USP3: variants seen among roughly 807,000 people sequenced by gnomAD.
USP3 encodes the protein ubiquitin specific peptidase 3.
In USP3, 20 loss-of-function variants were observed where a neutral mutation model predicts 72.3. That is an observed-to-expected ratio of 0.28 (90% CI 0.19 to 0.40). The LOEUF is 0.40. Among genes scored for constraint, USP3 ranks in the 10% least tolerant of loss-of-function variants. The pLI, the probability that USP3 is intolerant of heterozygous loss-of-function variation, is 1.00. For missense variants in USP3, 479 were observed against 633.9 expected, an observed-to-expected ratio of 0.76 and a Z score of 2.62; for synonymous variants, 222 against 225.3, an observed-to-expected ratio of 0.99 and a Z score of 0.13.
At chr15:63,584,501 C>G (rs570103353) in intron 11 of USP3, among the ~76,000 whole-genome samples, 1 of 152,280 alleles carries the variant, frequency 6.6e-6, no homozygotes, top group East Asian at 1.9e-4. Flanking sequence ...GAAGTAGTAT[C>G]TCACTATGGT....
intron 3 of USP3, among the ~76,000 whole-genome samples, chr15:63,540,845 T>G (rs1329347421): frequency 1.3e-5 from 2 of 152,152 alleles, no homozygotes; most frequent in Non-Finnish European, 2.9e-5. Context: ...TCGATGAAAA[T>G]AAAAATCTTC....
At chr15:63,515,347 G>A (rs556413587) in intron 1 of USP3, 2 of 152,306 alleles carry the variant, frequency 1.3e-5, no homozygotes, top group Admixed American at 6.5e-5. Context: ...GTTTCTATAT[G>A]TTGTTTCCAT....
At position 63,515,779 on chromosome 15, in the gene USP3, C is replaced by G. The variant is rs970858839; in HGVS notation, c.91+10949C>G. 1.3e-5 allele frequency among the ~76,000 whole-genome samples: 2 copies of G among 152,172 alleles called. 1 individual carries two copies. The highest frequency in any genetic ancestry group is 4.8e-5 in the African/African-American group (2 of 41,452). Reference sequence around the variant, plus strand: ...TTCATGTTTTCAGAACAGTAATACACATTTCTGAAATATACAGAGACAGGT... The same window carrying G: ...TTCATGTTTTCAGAACAGTAATACAGATTTCTGAAATATACAGAGACAGGT... On this transcript the variant is annotated intron_variant, in intron 1 of 14. Transcript: ENST00000380324.
In USP3 at chr15:63,570,377, G is replaced by A. The variant is rs2066759554; in HGVS notation, c.762-56G>A. The A allele has an allele frequency of 6.2e-7, 1 of 1,609,554 alleles. No individual in the cohort carries two copies. The highest frequency in any genetic ancestry group is 2.2e-5 in the East Asian group (1 of 44,806). ...CACGCCTTGGCCTCTTGCTGGTGTG[G>A]CTGGGCACAAAGAGCCCTCCACCCG... is the stretch of plus-strand genomic sequence containing the variant. On this transcript the variant is annotated intron_variant, in intron 8 of 14. Coordinates refer to ENST00000380324, the MANE Select transcript of USP3 (RefSeq NM_006537.4). This position sits in a 1 kb window ranked among gnomAD's most constrained non-coding sequence, Gnocchi z 4.4.
At chr15:63,566,078 T>C (rs982105919) in intron 8 of USP3, among the ~76,000 whole-genome samples, 6 of 152,222 alleles carry the variant, frequency 3.9e-5, no homozygotes, top group Admixed American at 1.3e-4. Flanking sequence ...GGAAAGTCTC[T>C]TGATGATTCA....
rs1446489525 is a variant in USP3 at position 63,544,497 on chromosome 15, AG to A, written c.284+7346del. ...CTAGTGTTTTGTCTTTTAGAATTAG[AG>A]GGGGCAAGTAGTGCAGGGCAAAAAC... is the stretch of plus-strand genomic sequence containing the variant. On this transcript the variant is annotated intron_variant, in intron 3 of 14. Coordinates refer to ENST00000380324, the MANE Select transcript of USP3 (RefSeq NM_006537.4). This position sits in a 1 kb window ranked among gnomAD's most constrained non-coding sequence, Gnocchi z 4.2. The A allele has an allele frequency of 3.7e-6, 2 of 544,060 alleles. No homozygotes were observed. Among genetic ancestry groups the A allele is most frequent in the African/African-American group, 3.8e-5 (2 of 52,348 alleles). The allele number at this position is 544,060 out of a possible 1,614,324, so 33.7% of individuals were successfully genotyped here.
At chr15:63,511,934 A>AAAACTAGT (rs1259123816) in intron 1 of USP3, among the ~76,000 whole-genome samples, 1 of 151,446 alleles carries the variant, frequency 6.6e-6, no homozygotes, top group African/African-American at 2.4e-5. Flanking sequence ...CATAAAAACT[A>AAAACTAGT]AAACTAGTAA....
chr15:63,578,686 GA>G (rs2066907020), intron 11 of USP3, among the ~76,000 whole-genome samples: 1 of 151,860 alleles, frequency 6.6e-6, no homozygotes, highest in East Asian at 1.9e-4. Context: ...AGCTATCAGT[GA>G]TCATCATAGT....
intron 1 of USP3, among the ~76,000 whole-genome samples, chr15:63,524,852 C>G (rs1333894400): frequency 6.6e-6 from 1 of 152,188 alleles, no homozygotes; most frequent in Non-Finnish European, 1.5e-5. Flanking sequence ...AGAATCACTT[C>G]TGCCATATTC....
intron 1 of USP3, among the ~76,000 whole-genome samples, chr15:63,518,267 CA>C (rs1448579771): frequency 6.6e-6 from 1 of 152,056 alleles, no homozygotes; most frequent in East Asian, 1.9e-4. Flanking sequence ...ATAGGCAAGC[CA>C]GGGGGTTCGA....
intron 11 of USP3, among the ~76,000 whole-genome samples, chr15:63,582,740 G>A (rs1270220290): frequency 6.6e-6 from 1 of 152,176 alleles, no homozygotes; most frequent in African/African-American, 2.4e-5. Context: ...CTGGGAGAAG[G>A]CATAAAGAGC....
intron 11 of USP3, among the ~76,000 whole-genome samples, chr15:63,583,111 TA>T (rs1009304000): frequency 1.7e-4 from 26 of 151,774 alleles, no homozygotes; most frequent in Middle Eastern, 3.2e-3. Flanking sequence ...AGGTTAAATA[TA>T]GGGGGGGGAA....
chr15:63,547,782 G>GGC (rs2066360934), intron 3 of USP3, among the ~76,000 whole-genome samples: 1 of 110,254 alleles, frequency 9.1e-6, no homozygotes, highest in African/African-American at 3.3e-5. Context: ...GAGAGAGAGA[G>GGC]AGAGAGAGAG....
At chr15:63,508,494 A>G (rs116420734) in intron 1 of USP3, among the ~76,000 whole-genome samples, 1,834 of 152,296 alleles carry the variant, frequency 0.012, 40 homozygotes, top group African/African-American at 0.042. Flanking sequence ...GAAAATAGCT[A>G]TCTCCTAATA....
chr15:63,555,748 T>G (rs1038864960), intron 4 of USP3, among the ~76,000 whole-genome samples: 1 of 152,222 alleles, frequency 6.6e-6, no homozygotes, highest in Non-Finnish European at 1.5e-5. Flanking sequence ...CTCTTCATCT[T>G]GTGGCTACCA....
Position 63,525,302 on chromosome 15 carries a change from C to T in USP3, c.92-7345C>T, listed in dbSNP as rs1023334831. On this transcript the variant is annotated intron_variant, in intron 1 of 14. Transcript: ENST00000380324. ...TTGGTGCTCATGCCTGGTCTCCTCC[C>T]CAGTATCAGGACCTCTGGTTGGCTT... is the stretch of plus-strand genomic sequence containing the variant. Among the ~76,000 whole-genome samples the T allele has an allele frequency of 7.9e-5, 12 of 152,300 alleles. 1 individual carries two copies. The highest frequency in any genetic ancestry group is 3.9e-4 in the Admixed American group (6 of 15,298).
At chr15:63,582,754 C>A (rs2066985775) in intron 11 of USP3, among the ~76,000 whole-genome samples, 1 of 152,102 alleles carries the variant, frequency 6.6e-6, no homozygotes, top group Admixed American at 6.5e-5. Context: ...AAAGAGCCTC[C>A]TTTGCATTGG....
rs2067189462 is a variant in USP3, at chr15:63,591,043, G to GTTGTAATAATTCAATTT, written c.*220_*236dup. ...GCAGATGTTTTGATTTGCTGCTTTA[G>GTTGTAATAATTCAATTT]TTGTAATAATTCAATTTTTATAGGT... On this transcript the variant is annotated 3_prime_UTR_variant, in exon 15 of 15. Coordinates refer to ENST00000380324, the MANE Select transcript of USP3 (RefSeq NM_006537.4). 1 of 477,954 alleles carries GTTGTAATAATTCAATTT rather than the reference G, an allele frequency of 2.1e-6. No individual in the cohort carries two copies. The highest frequency in any genetic ancestry group is 2.0e-5 in the African/African-American group (1 of 49,874). 29.6% of individuals were successfully genotyped at this position (477,954 alleles called of 1,614,324 possible).
chr15:63,552,443 C>T (rs1055355143), intron 3 of USP3, among the ~76,000 whole-genome samples: 5 of 152,034 alleles, frequency 3.3e-5, no homozygotes, highest in African/African-American at 1.2e-4. Context: ...TTTTCTCCTG[C>T]TGGTAGTACT....
Sources: allele counts gnomAD v4.1 joint callset (sites outside exome capture counted in the v4.1 genomes callset), GRCh38; gene constraint gnomAD v4.1.1; non-coding constraint Gnocchi (gnomAD v3.1); transcripts MANE v1.5; gene names NCBI Gene and HGNC (gene_info 2026-07-23, HGNC 2026-07-21).